SPARC: variants seen among roughly 807,000 people sequenced by gnomAD.
SPARC encodes basement-membrane protein 40.
SPARC carries 23 observed loss-of-function variants against 37.7 expected under a neutral mutation model. That is an observed-to-expected ratio of 0.61 (90% CI 0.44 to 0.87). SPARC has a LOEUF of 0.87. Among genes scored for constraint, SPARC ranks in the 40% least tolerant of loss-of-function variants. The pLI is 0.00. For missense variants in SPARC, 312 were observed against 389.0 expected (o/e 0.80, Z 1.66); for synonymous variants, 155 against 150.8 (o/e 1.03, Z -0.20).
At chr5:151,678,177 AG>A (rs1478954809) in intron 1 of SPARC, among the ~76,000 whole-genome samples, 1 of 152,252 alleles carries the variant, frequency 6.6e-6, no homozygotes, top group Non-Finnish European at 1.5e-5. Context: ...CTATAATGAC[AG>A]GGAAGTCATG....
chr5:151,667,539 G>A lies in SPARC; in HGVS notation c.513C>T (p.Leu171=), dbSNP rs2304049. Reference sequence around the variant, plus strand: ...CATACAGGGTGACCAGGACGTTCTTGAGCCAGTCCCGCATGCGCAGGGGGA... The same window carrying A: ...CATACAGGGTGACCAGGACGTTCTTAAGCCAGTCCCGCATGCGCAGGGGGA... The part of the protein sequence containing the change: ...TEFPLRMRDW[L]KNVLVTLYER... Residue 171 remains leucine, a synonymous_variant, in exon 7 of 10, where the codon CTC becomes CTT. Coordinates refer to ENST00000231061, the MANE Select transcript of SPARC (RefSeq NM_003118.4). 1 of 1,614,170 alleles carries A rather than the reference G, an allele frequency of 6.2e-7. No homozygotes were observed. Among genetic ancestry groups the A allele is most frequent in the East Asian group, 2.2e-5 (1 of 44,870 alleles).
chr5:151,667,564 A>C lies in SPARC; in HGVS notation c.488T>G (p.Phe163Cys). 3.7e-6 allele frequency: 6 copies of C among 1,613,998 alleles called. No homozygotes were observed. The highest frequency in any genetic ancestry group is 5.1e-6 in the Non-Finnish European group (6 of 1,179,982). ...PPCLDSELTE[F>C]PLRMRDWLKN... ...GAGCCAGTCCCGCATGCGCAGGGGG[A>C]ATTCGGTCAGCTCAGAGTCCAGGCA... The change falls in exon 7 of 10, where the codon TTC becomes TGC. Residue 163 changes from phenylalanine (F) to cysteine (C), a missense_variant. By Grantham distance (205) the Phe-to-Cys change is radical. Coordinates refer to ENST00000231061, the MANE Select transcript of SPARC (RefSeq NM_003118.4).
At chr5:151,667,862 C>A (rs1180991600) in intron 6 of SPARC, among the ~76,000 whole-genome samples, 1 of 152,246 alleles carries the variant, frequency 6.6e-6, no homozygotes, top group East Asian at 1.9e-4. Flanking sequence ...ATGGCTCCTG[C>A]ACCTTACTGG....
rs527983774 is a variant in SPARC at position 151,667,717 on chromosome 5, C to T, written c.452-117G>A. 2.2e-3 allele frequency: 2,410 copies of T among 1,078,886 alleles called. 19 individuals carry two copies. Among genetic ancestry groups the T allele is most frequent in the South Asian group, 0.016 (1,040 of 64,208 alleles). The allele number at this position is 1,078,886 out of a possible 1,614,324, so 66.8% of individuals were successfully genotyped here. On this transcript the variant is annotated intron_variant, in intron 6 of 9. Transcript: ENST00000231061. ...TGGTGGCCTTGGCACAGTGGCTCAACCTCTCCAGGCCACAGTTTCTTCACA... is the reference window on the plus strand; with the variant it reads ...TGGTGGCCTTGGCACAGTGGCTCAATCTCTCCAGGCCACAGTTTCTTCACA...
rs1760541620 is a variant in SPARC, at chr5:151,662,882, C to T, written c.*689G>A. On this transcript the variant is annotated 3_prime_UTR_variant, in exon 10 of 10. Transcript: ENST00000231061. ...TCCCAGAGAACTGACAGTCCGTGCT[C>T]CCAAAAGTTTGAACCAACAGCCTAA... is the stretch of plus-strand genomic sequence containing the variant. 2 of 152,282 alleles carry T rather than the reference C, an allele frequency of 1.3e-5. No homozygotes were observed. The highest frequency in any genetic ancestry group is 6.5e-5 in the Admixed American group (1 of 15,282). The allele number at this position is 152,282 out of a possible 1,614,324, so 9.4% of individuals were successfully genotyped here. A position where few individuals can be genotyped will look rare whatever the true frequency, so the allele number is the denominator to read the frequency against.
intron 1 of SPARC, among the ~76,000 whole-genome samples, chr5:151,684,604 G>A (rs1373433658): frequency 5.4e-4 from 61 of 112,746 alleles, no homozygotes; most frequent in Middle Eastern, 4.6e-3. Context: ...GAGCTGCCAG[G>A]AAAAAAAAAA....
At chr5:151,679,915 C>A (rs752682043) in intron 1 of SPARC, among the ~76,000 whole-genome samples, 1 of 152,108 alleles carries the variant, frequency 6.6e-6, no homozygotes, top group Non-Finnish European at 1.5e-5. Flanking sequence ...AACTGAGTTG[C>A]CATCATTAAA....
intron 3 of SPARC, among the ~76,000 whole-genome samples, chr5:151,673,811 C>A (rs1382543172): frequency 6.6e-6 from 1 of 152,162 alleles, no homozygotes; most frequent in African/African-American, 2.4e-5. Flanking sequence ...CTCCCGACCA[C>A]CTTGGACACA....
At chr5:151,680,360 T>C (rs1760959319) in intron 1 of SPARC, among the ~76,000 whole-genome samples, 1 of 151,294 alleles carries the variant, frequency 6.6e-6, no homozygotes, top group Non-Finnish European at 1.5e-5. Context: ...CCCGAGTAGC[T>C]GAGATCACAG....
intron 6 of SPARC, among the ~76,000 whole-genome samples, chr5:151,668,262 C>G (rs1038583339): frequency 6.6e-6 from 1 of 151,818 alleles, no homozygotes; most frequent in East Asian, 1.9e-4. Flanking sequence ...AACCAATCCT[C>G]CCTCCTCAGC....
At chr5:151,678,535 A>ATT (rs1481587115) in intron 1 of SPARC, among the ~76,000 whole-genome samples, 2 of 152,206 alleles carry the variant, frequency 1.3e-5, no homozygotes, top group Non-Finnish European at 2.9e-5. Flanking sequence ...GCTGGGAAGT[A>ATT]GGCAGACAGG....
Position 151,662,603 on chromosome 5 carries a change from T to A in SPARC, c.*968A>T, listed in dbSNP as rs1760532820. ...ATCCCATTAACTTTGAAGTTTCTCT[T>A]GATTAATAGAAGAAAAAAGGGGAGG... On this transcript the variant is annotated 3_prime_UTR_variant, in exon 10 of 10. Transcript: ENST00000231061. The A allele has an allele frequency of 6.6e-6, 1 of 152,590 alleles. No individual in the cohort carries two copies. Among genetic ancestry groups the A allele is most frequent in the Non-Finnish European group, 1.5e-5 (1 of 68,032 alleles). 9.5% of individuals were successfully genotyped at this position (152,590 alleles called of 1,614,324 possible). A position where few individuals can be genotyped will look rare whatever the true frequency, so the allele number is the denominator to read the frequency against.
intron 9 of SPARC, 83 bp from the exon 10 acceptor site, chr5:151,663,682 C>T: frequency 7.2e-7 from 1 of 1,385,956 alleles, no homozygotes; most frequent in Non-Finnish European, 1.0e-6. Context: ...GGACTCCCAC[C>T]CATCCCCAGG....
chr5:151,671,643 T>A lies in SPARC; in HGVS notation c.260A>T (p.Glu87Val). Residue 87 changes from glutamate to valine, a missense_variant, in exon 5 of 10, where the codon GAG becomes GTG. Coordinates refer to ENST00000231061, the MANE Select transcript of SPARC (RefSeq NM_003118.4). ...GCACACGCACATGGGGGTGTTGTTC[T>A]CATCCAGCTCGCACACCTTGCCGTG... ...CKHGKVCELD[E>V]NNTPMCVCQD... 1 of 1,612,128 alleles carries A rather than the reference T, an allele frequency of 6.2e-7. No individual in the cohort carries two copies.
At chr5:151,670,574 T>C (rs1232003588) in intron 5 of SPARC, among the ~76,000 whole-genome samples, 1 of 152,192 alleles carries the variant, frequency 6.6e-6, no homozygotes, top group Non-Finnish European at 1.5e-5. Context: ...AATATGTCGC[T>C]GTACTAAACC....
intron 1 of SPARC, among the ~76,000 whole-genome samples, chr5:151,678,522 A>G (rs1463348350): frequency 6.6e-6 from 1 of 152,194 alleles, no homozygotes; most frequent in Non-Finnish European, 1.5e-5. Flanking sequence ...GCCTTCTGAC[A>G]ATGCTGGGAA....
intron 5 of SPARC, among the ~76,000 whole-genome samples, chr5:151,671,091 C>G (rs17741553): frequency 0.19 from 28,271 of 152,182 alleles, 2,981 homozygotes; most frequent in East Asian, 0.38. Flanking sequence ...TTATTGGATA[C>G]TTGTTATGTA....
Position 151,683,406 on chromosome 5 carries a change from G to T in SPARC, c.-14+3459C>A, listed in dbSNP as rs142872614. Among the ~76,000 whole-genome samples, 7 of 152,352 alleles carry T rather than the reference G, an allele frequency of 4.6e-5. No individual in the cohort carries two copies. In the East Asian group the frequency reaches 1.3e-3, roughly 29 times the overall value. ...TCCAAACTGAACAAATGGGGATTGG[G>T]GGGGAAGGCAAGGTGAATATCAAAA... On this transcript the variant is annotated intron_variant, in intron 1 of 9. Coordinates refer to ENST00000231061, the MANE Select transcript of SPARC (RefSeq NM_003118.4).
chr5:151,683,544 T>C (rs955364017), intron 1 of SPARC, among the ~76,000 whole-genome samples: 12 of 152,260 alleles, frequency 7.9e-5, no homozygotes, highest in Non-Finnish European at 1.6e-4. Context: ...ATAGAGGTGG[T>C]TGGTGATAAA....
Sources: gnomAD v4.1 joint callset for allele counts (sites outside exome capture counted in the v4.1 genomes callset) on GRCh38, gnomAD v4.1.1 for gene constraint, MANE v1.5 for transcripts, NCBI Gene and HGNC (gene_info 2026-07-23, HGNC 2026-07-21) for gene names.